Variants in NOL9 observed in about 807,000 individuals in gnomAD.
NOL9 encodes the protein nucleolar protein 9.
A neutral mutation model predicts 67.9 loss-of-function variants in NOL9; 28 were observed. That is an observed-to-expected ratio of 0.41 (90% CI 0.31 to 0.57). The LOEUF (loss-of-function observed/expected upper bound fraction) is 0.57. NOL9 is among the 20% of genes least tolerant of loss of function. The pLI is 0.25. For missense variants in NOL9, 777 were observed against 897.0 expected, an observed-to-expected ratio of 0.87 and a Z score of 1.71; for synonymous variants, 356 against 352.2, an observed-to-expected ratio of 1.01 and a Z score of -0.12.
chr1:6,550,681 A>AACT, intron 1 of NOL9, 66 bp from the exon 2 acceptor site: 2 of 1,002,496 alleles, frequency 2.0e-6, no homozygotes, highest in Non-Finnish European at 1.4e-6. Context: ...ACATTCTAAA[A>AACT]TCTTTTTTTT....
At chr1:6,552,489 A>T (rs1004330019) in intron 1 of NOL9, among the ~76,000 whole-genome samples, 3 of 152,146 alleles carry the variant, frequency 2.0e-5, no homozygotes, top group African/African-American at 7.2e-5. Flanking sequence ...TTGGGACAGT[A>T]TCAGCTTACC....
intron 2 of NOL9, 78 bp from the exon 3 acceptor site, chr1:6,549,776 G>C (rs144033566): frequency 1.3e-6 from 2 of 1,552,880 alleles, no homozygotes; most frequent in East Asian, 4.5e-5. Flanking sequence ...CCATCTCCTC[G>C]GCTAAACTAT....
chr1:6,541,776 C>G, intron 6 of NOL9, 54 bp downstream of exon 6: 1 of 1,082,752 alleles, frequency 9.2e-7, no homozygotes, highest in South Asian at 1.5e-5. Context: ...TTGTTAGCAT[C>G]ATCACATATG....
intron 9 of NOL9, among the ~76,000 whole-genome samples, chr1:6,531,031 G>A (rs1360566799): frequency 6.6e-6 from 1 of 152,190 alleles, no homozygotes; most frequent in East Asian, 1.9e-4. Flanking sequence ...CACAGGCTTA[G>A]AACAGAGTAC....
chr1:6,531,272 G>A (rs780673366), intron 9 of NOL9, among the ~76,000 whole-genome samples: 6 of 151,950 alleles, frequency 3.9e-5, no homozygotes, highest in Non-Finnish European at 8.8e-5. Context: ...GGAGTGCAGT[G>A]TCATGATCTC....
chr1:6,554,233 G>A lies in NOL9; in HGVS notation c.270C>T (p.Thr90=). 1.3e-6 allele frequency: 2 copies of A among 1,512,838 alleles called. No homozygotes were observed. Among genetic ancestry groups the A allele is most frequent in the South Asian group, 1.2e-5 (1 of 80,832 alleles). The allele number at this position is 1,512,838 out of a possible 1,614,324, so 93.7% of individuals were successfully genotyped here. A position where few individuals can be genotyped will look rare whatever the true frequency, so the allele number is the denominator to read the frequency against. The change falls in exon 1 of 12, where the codon ACC becomes ACT. Residue 90 remains threonine, a synonymous_variant. Transcript: ENST00000377705. ...TATPSPIPSP[T]PASEPESEPE... ...GTTCGGACTCGGGTTCGGAGGCCGG[G>A]GTCGGGCTAGGGATCGGGCTGGGGG...
Position 6,529,060 on chromosome 1 carries a change from C to T in NOL9, c.1759G>A (p.Val587Ile), listed in dbSNP as rs745736047. Residue 587 changes from valine (V) to isoleucine (I), a missense_variant, in exon 10 of 12, where the codon GTC becomes ATC. Physicochemically the swap from Val to Ile is conservative, Grantham distance 29 (BLOSUM62 3). This residue lies in a region of NOL9 where 413 missense variants were observed against 552.6 expected (regional missense o/e 0.75). Coordinates refer to ENST00000377705, the MANE Select transcript of NOL9 (RefSeq NM_024654.5). Reference protein sequence around the residue: ...WVGLCKIQDDVRGYTNGPILL... With the variant: ...WVGLCKIQDDIRGYTNGPILL... Reference sequence around the variant, plus strand: ...ATGGGCCCATTCGTGTATCCTCTGACGTCATCCTGGATCTTGCAAAGACCA... The same window carrying T: ...ATGGGCCCATTCGTGTATCCTCTGATGTCATCCTGGATCTTGCAAAGACCA... 2.1e-5 allele frequency: 34 copies of T among 1,613,996 alleles called. No individual in the cohort carries two copies. The highest frequency in any genetic ancestry group is 9.9e-5 in the South Asian group (9 of 91,084).
intron 10 of NOL9, among the ~76,000 whole-genome samples, chr1:6,527,857 G>C (rs771429022): frequency 2.0e-4 from 31 of 152,278 alleles, no homozygotes; most frequent in Non-Finnish European, 3.7e-4. Flanking sequence ...TTTGAACCTG[G>C]GAGGTGGAGG....
At chr1:6,544,769 C>A in intron 5 of NOL9, 57 bp downstream of exon 5, 1 of 1,569,078 alleles carries the variant, frequency 6.4e-7, no homozygotes, top group Non-Finnish European at 8.8e-7. Flanking sequence ...AATCAAAAAT[C>A]CCACTTCATG....
intron 8 of NOL9, 29 bp from the exon 9 acceptor site, chr1:6,532,108 A>G (rs1193389523): frequency 6.4e-7 from 1 of 1,558,500 alleles, no homozygotes; most frequent in South Asian, 1.1e-5. Flanking sequence ...CAAGGTAAGT[A>G]GACATTTAAC....
At chr1:6,544,771 C>A in intron 5 of NOL9, 55 bp downstream of exon 5, 10 of 1,576,346 alleles carry the variant, frequency 6.3e-6, no homozygotes, top group Non-Finnish European at 8.7e-6. Flanking sequence ...TCAAAAATCC[C>A]ACTTCATGAC....
rs1235329559 is a variant in NOL9, at chr1:6,545,171, G to T, written c.754C>A (p.Pro252Thr). 1 of 1,607,990 alleles carries T rather than the reference G, an allele frequency of 6.2e-7. No homozygotes were observed. The highest frequency in any genetic ancestry group is 1.7e-5 in the Admixed American group (1 of 57,598). Residue 252 changes from proline (P) to threonine (T), a missense_variant, in exon 4 of 12, where the codon CCC (proline) becomes ACC (threonine). Pro to Thr is a conservative substitution (Grantham distance 38, BLOSUM62 -1). Transcript: ENST00000377705. The stretch of plus-strand genomic sequence containing the variant: ...GCTAAATATTCAGGTTTAATCTGGG[G>T]AGTTGGACTCTGAAATCAACAATTT... ...SYIFVQESPTPQIKPEYLALR... is the reference protein window; with the variant it reads ...SYIFVQESPTTQIKPEYLALR...
chr1:6,533,261 T>C lies in NOL9; in HGVS notation c.1237+19A>G. On this transcript the variant is annotated intron_variant, in intron 7 of 11. Transcript: ENST00000377705. The stretch of plus-strand genomic sequence containing the variant: ...ACACTGCCTGTCCTTCCCTTGCAGA[T>C]GTGCACATGCAGGCTTACCTGAAAC... 1 of 1,563,290 alleles carries C rather than the reference T, an allele frequency of 6.4e-7. No individual in the cohort carries two copies. The highest frequency in any genetic ancestry group is 2.3e-5 in the East Asian group (1 of 43,692).
At chr1:6,540,643 T>C (rs1639265268) in intron 6 of NOL9, among the ~76,000 whole-genome samples, 1 of 151,968 alleles carries the variant, frequency 6.6e-6, no homozygotes, top group Admixed American at 6.6e-5. Context: ...CTGGCCAACA[T>C]GGTGAAACGC....
chr1:6,545,297 G>A, intron 3 of NOL9, 117 bp from the exon 4 acceptor site: 1 of 1,030,720 alleles, frequency 9.7e-7, no homozygotes, highest in Admixed American at 2.6e-5. Context: ...TCCTCCCTTT[G>A]TCTCCTGCCC....
chr1:6,532,881 G>A (rs186069757), intron 7 of NOL9, 121 bp from the exon 8 acceptor site: 37 of 996,440 alleles, frequency 3.7e-5, no homozygotes, highest in Admixed American at 1.7e-4. Context: ...CCATCAATAC[G>A]TTGGACTTCG....
At chr1:6,548,525 C>T (rs538459980) in intron 3 of NOL9, 9 of 295,002 alleles carry the variant, frequency 3.1e-5, no homozygotes, top group South Asian at 1.5e-4. Flanking sequence ...GCGTGCTAAA[C>T]GTGTTCAGGA....
intron 9 of NOL9, among the ~76,000 whole-genome samples, chr1:6,529,519 C>T (rs765526661): frequency 2.6e-5 from 4 of 151,750 alleles, no homozygotes; most frequent in African/African-American, 4.8e-5. Flanking sequence ...ACCTGGGAGG[C>T]GGAGGTTGCA....
intron 6 of NOL9, among the ~76,000 whole-genome samples, chr1:6,541,162 C>G (rs570704490): frequency 6.6e-6 from 1 of 151,862 alleles, no homozygotes; most frequent in Non-Finnish European, 1.5e-5. Context: ...ACTATAGGCA[C>G]GTGCCACCAA....
Sources: gnomAD v4.1 joint callset for allele counts (sites outside exome capture counted in the v4.1 genomes callset) on GRCh38, gnomAD v4.1.1 for gene constraint, gnomAD v4.1.1 regional missense constraint, MANE v1.5 for transcripts, NCBI Gene and HGNC (gene_info 2026-07-23, HGNC 2026-07-21) for gene names.